Variants in PLIN3 observed in about 807,000 individuals in gnomAD.
The protein encoded by PLIN3 is perilipin-3.
In PLIN3, 30 loss-of-function variants were observed where a neutral mutation model predicts 35.9. The observed-to-expected ratio is 0.84, with a 90% CI of 0.62 to 1.13. The LOEUF (loss-of-function observed/expected upper bound fraction) is 1.13. PLIN3 is among the 50% of genes most tolerant of loss of function. PLIN3 has a pLI of 0.00. For missense variants in PLIN3, 603 were observed against 596.9 expected, an observed-to-expected ratio of 1.01 and a Z score of -0.11; for synonymous variants, 261 against 262.5, an observed-to-expected ratio of 0.99 and a Z score of 0.06.
chr19:4,847,191 ATTT>A (rs34037864), intron 6 of PLIN3, among the ~76,000 whole-genome samples: 12 of 138,064 alleles, frequency 8.7e-5, no homozygotes, highest in Non-Finnish European at 7.8e-5. Context: ...CCTGGCCACG[ATTT>A]TTTTTTTTTT....
At chr19:4,851,069 T>A (rs1183555060) in intron 5 of PLIN3, among the ~76,000 whole-genome samples, 1 of 152,054 alleles carries the variant, frequency 6.6e-6, no homozygotes, top group Non-Finnish European at 1.5e-5. Context: ...GAGGCTGAGA[T>A]GGGAGGCTCG....
rs2093623423 is a variant in PLIN3 at position 4,838,562 on chromosome 19, T to A, written c.*630A>T. 6.6e-6 allele frequency: 1 copy of A among 150,672 alleles called. No individual in the cohort carries two copies. 9.3% of individuals were successfully genotyped at this position (150,672 alleles called of 1,614,324 possible). A position where few individuals can be genotyped will look rare whatever the true frequency, so the allele number is the denominator to read the frequency against. On this transcript the variant is annotated 3_prime_UTR_variant, in exon 8 of 8. Transcript: ENST00000221957. ...GTAAACAAAGAAGTGGGATATGAACTATATCCCTGATTTTTTTTTCTTTTT... is the reference window on the plus strand; with the variant it reads ...GTAAACAAAGAAGTGGGATATGAACAATATCCCTGATTTTTTTTTCTTTTT...
chr19:4,850,407 G>T (rs1295601320), intron 5 of PLIN3, among the ~76,000 whole-genome samples: 4 of 151,358 alleles, frequency 2.6e-5, no homozygotes, highest in Admixed American at 6.6e-5. Flanking sequence ...ACCGCACCTG[G>T]CTAATGTTTA....
chr19:4,848,811 G>A (rs574817571), intron 5 of PLIN3, among the ~76,000 whole-genome samples: 2 of 151,892 alleles, frequency 1.3e-5, no homozygotes, highest in East Asian at 1.9e-4. Flanking sequence ...AGGCTGCAGT[G>A]AGCCAAGATC....
chr19:4,861,117 T>TTTG (rs2030659716), intron 2 of PLIN3, among the ~76,000 whole-genome samples: 4 of 152,178 alleles, frequency 2.6e-5, no homozygotes, highest in African/African-American at 9.6e-5. Flanking sequence ...GACAGAACCC[T>TTTG]GCTCCCTCAG....
Position 4,839,375 on chromosome 19 carries a change from G to A in PLIN3, c.1122C>T (p.Ser374=), listed in dbSNP as rs1244558257. Residue 374 remains serine, a synonymous_variant, in exon 8 of 8, where the codon TCC becomes TCT. Coordinates refer to ENST00000221957, the MANE Select transcript of PLIN3 (RefSeq NM_005817.5). ...RQVEDLQATF[S]SIHSFQDLSS... is the part of the protein sequence containing the mutation. ...ACAGGTCCTGGAAGGAGTGGATGCT[G>A]GAAAACGTGGCCTGGAGGTCCTCCA... 1 of 1,613,318 alleles carries A rather than the reference G, an allele frequency of 6.2e-7. No homozygotes were observed. The highest frequency in any genetic ancestry group is 1.3e-5 in the African/African-American group (1 of 74,926).
At position 4,852,125 on chromosome 19, in the gene PLIN3, C is replaced by T. The variant is rs1055919; in HGVS notation, c.525G>A (p.Ser175=). ...TKSVVTGGVQ[S]VMGSRLGQMV... Reference sequence around the variant, plus strand: ...TCTGGCCCAAGCGGGAGCCCATGACCGATTGGACGCCGCCGGTCACTACGG... The same window carrying T: ...TCTGGCCCAAGCGGGAGCCCATGACTGATTGGACGCCGCCGGTCACTACGG... Residue 175 remains serine (S), a synonymous_variant, in exon 5 of 8, where the codon TCG becomes TCA. Transcript: ENST00000221957. 713,402 of 1,613,654 alleles carry T rather than the reference C, an allele frequency of 0.44. 160,168 individuals are homozygous for T. Among genetic ancestry groups the T allele is most frequent in the Admixed American group, 0.57 (33,886 of 59,960 alleles).
intron 6 of PLIN3, 42 bp from the exon 7 acceptor site, chr19:4,844,835 G>A (rs2030033480): frequency 6.5e-7 from 1 of 1,535,292 alleles, no homozygotes. Context: ...AGGCTCCCCT[G>A]GGAGAGACGG....
chr19:4,844,539 C>G (rs112964781), intron 7 of PLIN3, 129 bp downstream of exon 7: 1 of 988,688 alleles, frequency 1.0e-6, no homozygotes, highest in Non-Finnish European at 1.4e-6. Context: ...AAGGAGGTGT[C>G]ATTAGCTTCC....
Position 4,839,632 on chromosome 19 carries a change from A to C in PLIN3, c.961-96T>G, listed in dbSNP as rs945109942. The C allele has an allele frequency of 7.2e-6, 7 of 966,824 alleles. No homozygotes were observed. The Admixed American group carries it at 1.9e-4, about 26-fold the overall frequency. The allele number at this position is 966,824 out of a possible 1,614,324, so 59.9% of individuals were successfully genotyped here. On this transcript the variant is annotated intron_variant, in intron 7 of 7. Coordinates refer to ENST00000221957, the MANE Select transcript of PLIN3 (RefSeq NM_005817.5). ...GAAAGAGGGGAAGAGGGGTTCTACCACTGACCTTGGGGCAAACGCTTTCCA... is the reference window on the plus strand; with the variant it reads ...GAAAGAGGGGAAGAGGGGTTCTACCCCTGACCTTGGGGCAAACGCTTTCCA...
chr19:4,853,199 T>C (rs1041239197), intron 4 of PLIN3, among the ~76,000 whole-genome samples: 1 of 151,968 alleles, frequency 6.6e-6, no homozygotes, highest in African/African-American at 2.4e-5. Flanking sequence ...GGTGGCACAA[T>C]CTCGGCTCAC....
At chr19:4,856,483 G>T (rs2030479828) in intron 4 of PLIN3, among the ~76,000 whole-genome samples, 1 of 151,620 alleles carries the variant, frequency 6.6e-6, no homozygotes, top group Admixed American at 6.6e-5. Context: ...GCTTGAGCCC[G>T]AGAGGCGGAG....
At chr19:4,840,350 A>G (rs2029875761) in intron 7 of PLIN3, among the ~76,000 whole-genome samples, 1 of 152,030 alleles carries the variant, frequency 6.6e-6, no homozygotes, top group Non-Finnish European at 1.5e-5. Flanking sequence ...TACAGCCTGT[A>G]ACTCCTGAGC....
chr19:4,844,335 G>T (rs901782767), intron 7 of PLIN3, among the ~76,000 whole-genome samples: 1 of 151,948 alleles, frequency 6.6e-6, no homozygotes, highest in Admixed American at 6.6e-5. Flanking sequence ...GCGTGGTGGT[G>T]AGCGCCTGTA....
intron 7 of PLIN3, among the ~76,000 whole-genome samples, chr19:4,842,657 C>T (rs2029933313): frequency 6.7e-6 from 1 of 149,266 alleles, no homozygotes; most frequent in African/African-American, 2.5e-5. Context: ...TTGCCCAGAG[C>T]CCTGGCAGCT....
chr19:4,851,071 G>A (rs1010507918), intron 5 of PLIN3, among the ~76,000 whole-genome samples: 1 of 152,100 alleles, frequency 6.6e-6, no homozygotes, highest in African/African-American at 2.4e-5. Context: ...GGCTGAGATG[G>A]GAGGCTCGCC....
intron 4 of PLIN3, among the ~76,000 whole-genome samples, chr19:4,859,143 C>T (rs2030580774): frequency 6.6e-6 from 1 of 152,196 alleles, no homozygotes; most frequent in Non-Finnish European, 1.5e-5. Flanking sequence ...GTCACAACTA[C>T]TCAACCTTGC....
Position 4,847,731 on chromosome 19 carries a change from G to T in PLIN3, c.794C>A (p.Ala265Glu). Reference protein sequence around the residue: ...LGKLRATKQRAQEALLQLSQV... With the variant: ...LGKLRATKQREQEALLQLSQV... ...CGACAGCTGCAGCAGAGCCTCCTGTGCCCTCTGCTTGGTGGCTCGAAGCTT... is the reference window on the plus strand; with the variant it reads ...CGACAGCTGCAGCAGAGCCTCCTGTTCCCTCTGCTTGGTGGCTCGAAGCTT... The change falls in exon 6 of 8, where the codon GCA (alanine) becomes GAA (glutamate). Residue 265 changes from alanine to glutamate, a missense_variant. By Grantham distance (107) the Ala-to-Glu change is moderately radical. Coordinates refer to ENST00000221957, the MANE Select transcript of PLIN3 (RefSeq NM_005817.5). 2 of 1,610,950 alleles carry T rather than the reference G, an allele frequency of 1.2e-6. No individual in the cohort carries two copies.
intron 1 of PLIN3, among the ~76,000 whole-genome samples, chr19:4,862,008 A>G (rs1237062552): frequency 6.6e-6 from 1 of 150,648 alleles, no homozygotes; most frequent in Non-Finnish European, 1.5e-5. Context: ...GTACAATCAC[A>G]GCTCACTGCA....
Sources: allele counts gnomAD v4.1 joint callset (sites outside exome capture counted in the v4.1 genomes callset), GRCh38; gene constraint gnomAD v4.1.1; transcripts MANE v1.5; gene names NCBI Gene and HGNC (gene_info 2026-07-23, HGNC 2026-07-21).